FNDC3B: variants seen among roughly 807,000 people sequenced by gnomAD.
FNDC3B encodes the protein fibronectin type III domain containing 3B.
In FNDC3B, 12 loss-of-function variants were observed where a neutral mutation model predicts 151.5. The observed-to-expected ratio is 0.08, with a 90% CI of 0.05 to 0.13. The LOEUF (loss-of-function observed/expected upper bound fraction) is 0.13, where lower values mean the gene tolerates loss of function less well. FNDC3B is among the 10% of genes least tolerant of loss of function. The pLI, the probability that FNDC3B is intolerant of heterozygous loss-of-function variation, is 1.00. For missense variants in FNDC3B, 1,214 were observed against 1,505.3 expected (o/e 0.81, Z 3.20); for synonymous variants, 528 against 549.0 (o/e 0.96, Z 0.54).
At chr3:172,346,890 G>C (rs886065167) in intron 20 of FNDC3B, among the ~76,000 whole-genome samples, 1 of 152,046 alleles carries the variant, frequency 6.6e-6, no homozygotes, top group Non-Finnish European at 1.5e-5. Context: ...TTTTAGTAGA[G>C]ATAGGGTTTC....
intron 4 of FNDC3B, among the ~76,000 whole-genome samples, chr3:172,229,622 T>A (rs1480528514): frequency 6.6e-6 from 1 of 152,174 alleles, no homozygotes; most frequent in Admixed American, 6.5e-5. Flanking sequence ...TTTATAGTCA[T>A]CACCAAGAAC....
chr3:172,055,138 C>A (rs760681762), intron 1 of FNDC3B, among the ~76,000 whole-genome samples: 3 of 152,058 alleles, frequency 2.0e-5, no homozygotes, highest in Non-Finnish European at 2.9e-5. Flanking sequence ...GGAGTCTCTT[C>A]GGAAGTTCAT....
intron 6 of FNDC3B, among the ~76,000 whole-genome samples, chr3:172,277,783 G>T (rs1005894446): frequency 2.6e-5 from 4 of 152,046 alleles, no homozygotes; most frequent in African/African-American, 7.2e-5. Flanking sequence ...CCTCAGATAG[G>T]GTGAGGTTTT....
intron 1 of FNDC3B, among the ~76,000 whole-genome samples, chr3:172,103,371 C>T (rs145903013): frequency 5.1e-4 from 78 of 152,070 alleles, no homozygotes; most frequent in African/African-American, 1.1e-3. Context: ...TAGGGGTTTA[C>T]GGAAGCAGCC....
At position 172,397,472 on chromosome 3, in the gene FNDC3B, G is replaced by A; in HGVS notation, c.3612G>A (p.Lys1204=). ...FAFILQYFLM[K] is the part of the protein sequence containing the mutation. ...TTATATTACAGTACTTCTTAATGAA[G>A]TAAACCCAACAAAACTAGAGGTATG... is the stretch of plus-strand genomic sequence containing the variant. The change falls in exon 26 of 26, where the codon AAG becomes AAA. Residue 1204 remains lysine, a synonymous_variant. Transcript: ENST00000415807. The A allele has an allele frequency of 1.3e-6, 2 of 1,579,936 alleles. No homozygotes were observed. Among genetic ancestry groups the A allele is most frequent in the Non-Finnish European group, 1.7e-6 (2 of 1,163,052 alleles).
At chr3:172,385,580 A>G (rs918001964) in intron 25 of FNDC3B, among the ~76,000 whole-genome samples, 3 of 141,352 alleles carry the variant, frequency 2.1e-5, no homozygotes, top group Admixed American at 7.2e-5. Context: ...TTTTTTTTGG[A>G]CAGAGTCTCA....
chr3:172,131,023 G>A (rs58706233), intron 2 of FNDC3B, among the ~76,000 whole-genome samples: 3 of 152,116 alleles, frequency 2.0e-5, no homozygotes, highest in African/African-American at 7.2e-5. Flanking sequence ...TTCTTCCATT[G>A]TAGTTTTTAT....
intron 6 of FNDC3B, among the ~76,000 whole-genome samples, chr3:172,255,414 G>A (rs1402260759): frequency 2.0e-5 from 3 of 152,122 alleles, no homozygotes; most frequent in Non-Finnish European, 4.4e-5. Flanking sequence ...GATTACAGGC[G>A]CACACCACCA....
chr3:172,350,359 T>G lies in FNDC3B; in HGVS notation c.2515-2444T>G, dbSNP rs576868797. Among the ~76,000 whole-genome samples, 11 of 152,318 alleles carry G rather than the reference T, an allele frequency of 7.2e-5. No individual in the cohort carries two copies. The East Asian group carries it at 2.1e-3, about 29-fold the overall frequency. On this transcript the variant is annotated intron_variant, in intron 21 of 25. Transcript: ENST00000415807. The stretch of plus-strand genomic sequence containing the variant: ...ATCAAGGTTTGAACTAAGCTTCAAC[T>G]CTTAAAAGCCATGTTCTTGTCCTTC...
intron 1 of FNDC3B, among the ~76,000 whole-genome samples, chr3:172,041,174 C>CT (rs1716027931): frequency 6.6e-6 from 1 of 152,168 alleles, no homozygotes; most frequent in Non-Finnish European, 1.5e-5. Context: ...CTAGTCCCCC[C>CT]TCCCCCTCTT....
chr3:172,118,390 G>A (rs557302489), intron 2 of FNDC3B, among the ~76,000 whole-genome samples: 27 of 152,314 alleles, frequency 1.8e-4, no homozygotes, highest in African/African-American at 6.5e-4. Context: ...GGGGACCCGT[G>A]AAGAGTTTTG....
chr3:172,078,438 G>A (rs893813187), intron 1 of FNDC3B, among the ~76,000 whole-genome samples: 3 of 152,154 alleles, frequency 2.0e-5, no homozygotes, highest in Non-Finnish European at 2.9e-5. Context: ...TGTAAGTGGC[G>A]TCTTGTGGTT....
chr3:172,265,639 G>A (rs1191950627), intron 6 of FNDC3B, among the ~76,000 whole-genome samples: 1 of 152,108 alleles, frequency 6.6e-6, no homozygotes, highest in African/African-American at 2.4e-5. Flanking sequence ...ACTTTATTTA[G>A]GTAGTAGTTT....
chr3:172,276,644 C>T (rs1729447276), intron 6 of FNDC3B, among the ~76,000 whole-genome samples: 1 of 152,190 alleles, frequency 6.6e-6, no homozygotes. Flanking sequence ...CCAAACTGAG[C>T]ATCACCTAAT....
chr3:172,079,052 T>TA (rs1430854936), intron 1 of FNDC3B, among the ~76,000 whole-genome samples: 3 of 152,210 alleles, frequency 2.0e-5, no homozygotes, highest in Admixed American at 2.0e-4. Context: ...ATGTATGCAG[T>TA]AGGCCCTTGG....
At chr3:172,326,435 G>A (rs897282067) in intron 11 of FNDC3B, among the ~76,000 whole-genome samples, 2 of 152,036 alleles carry the variant, frequency 1.3e-5, no homozygotes, top group South Asian at 2.1e-4. Context: ...TAGAAAATTC[G>A]GCATGCTTTG....
intron 3 of FNDC3B, among the ~76,000 whole-genome samples, chr3:172,207,349 A>T (rs1725484302): frequency 6.6e-6 from 1 of 152,202 alleles, no homozygotes; most frequent in African/African-American, 2.4e-5. Flanking sequence ...TAATATTAAA[A>T]ATACAATGGG....
At chr3:172,051,411 G>A (rs542850532) in intron 1 of FNDC3B, among the ~76,000 whole-genome samples, 2 of 152,092 alleles carry the variant, frequency 1.3e-5, no homozygotes, top group Non-Finnish European at 2.9e-5. Flanking sequence ...GATGATTTCT[G>A]ATTTAACTTG....
chr3:172,304,134 A>C lies in FNDC3B; in HGVS notation c.1062-3229A>C, dbSNP rs575899255. Reference sequence around the variant, plus strand: ...CCATCCTCCCAGCCTGGCCACCAGGAGTCTCCATCACTTACGACTCTCCAG... The same window carrying C: ...CCATCCTCCCAGCCTGGCCACCAGGCGTCTCCATCACTTACGACTCTCCAG... On this transcript the variant is annotated intron_variant, in intron 9 of 25. Transcript: ENST00000415807. Among the ~76,000 whole-genome samples, 4 of 152,178 alleles carry C rather than the reference A, an allele frequency of 2.6e-5. No homozygotes were observed. The South Asian group carries it at 8.3e-4, about 32-fold the overall frequency.
Sources: gnomAD v4.1 joint callset for allele counts (sites outside exome capture counted in the v4.1 genomes callset) on GRCh38, gnomAD v4.1.1 for gene constraint, MANE v1.5 for transcripts, NCBI Gene and HGNC (gene_info 2026-07-23, HGNC 2026-07-21) for gene names.